Variants in LAMB3 observed in about 807,000 individuals in gnomAD.
LAMB3 encodes laminin subunit beta 3, also known as laminin subunit beta-3.
Under a neutral mutation model 140.3 loss-of-function variants are expected in LAMB3, and 104 were observed. The observed-to-expected ratio is 0.74, with a 90% confidence interval of 0.63 to 0.87. The LOEUF (loss-of-function observed/expected upper bound fraction) is 0.87, where lower values mean the gene tolerates loss of function less well. LAMB3 is among the 40% of genes least tolerant of loss of function. The pLI, the probability that LAMB3 is intolerant of heterozygous loss-of-function variation, is 0.00. For missense variants in LAMB3, 1,531 were observed against 1,575.2 expected (o/e 0.97, Z 0.47); for synonymous variants, 592 against 602.9 (o/e 0.98, Z 0.26).
At chr1:209,635,645 C>T (rs1412145572) in intron 5 of LAMB3, among the ~76,000 whole-genome samples, 2 of 151,926 alleles carry the variant, frequency 1.3e-5, no homozygotes, top group Admixed American at 1.3e-4. Flanking sequence ...TCAAGTGATC[C>T]ACCCGCCTCG....
chr1:209,636,288 G>A (rs992580441), intron 5 of LAMB3, among the ~76,000 whole-genome samples: 1 of 152,164 alleles, frequency 6.6e-6, no homozygotes, highest in Non-Finnish European at 1.5e-5. Flanking sequence ...CTGGTGAACA[G>A]CGTCCCTGAC....
At chr1:209,627,649 C>G in intron 11 of LAMB3, 70 bp from the exon 12 acceptor site, 2 of 1,424,322 alleles carry the variant, frequency 1.4e-6, no homozygotes, top group African/African-American at 2.8e-5. Context: ...GACACACATC[C>G]AGGGAGGGGC....
At chr1:209,646,454 C>T (rs942775518) in intron 3 of LAMB3, among the ~76,000 whole-genome samples, 2 of 152,366 alleles carry the variant, frequency 1.3e-5, no homozygotes, top group East Asian at 3.9e-4. Context: ...CACAAGGCCA[C>T]ATCCCTGTTA....
intron 3 of LAMB3, among the ~76,000 whole-genome samples, chr1:209,643,948 T>C (rs1046352837): frequency 6.6e-6 from 1 of 152,216 alleles, no homozygotes; most frequent in African/African-American, 2.4e-5. Flanking sequence ...TTCCCTGCTC[T>C]AGCACATCAG....
Position 209,615,300 on chromosome 1 carries a change from G to A in LAMB3, c.3490C>T (p.Arg1164Cys), listed in dbSNP as rs540971405. The A allele has an allele frequency of 8.1e-6, 13 of 1,614,120 alleles. No homozygotes were observed. The highest frequency in any genetic ancestry group is 7.7e-5 in the South Asian group (7 of 91,086). Residue 1164 changes from arginine (R) to cysteine (C), a missense_variant, in exon 23 of 23, where the codon CGC (arginine) becomes TGC (cysteine). Transcript: ENST00000356082. ...VEQIRDHINGRVLYYATCK is the reference protein window; with the variant it reads ...VEQIRDHINGCVLYYATCK ...TTGCAGGTGGCATAGTAGAGCACGC[G>A]CCCATTGATGTGGTCACGGATCTGC... is the stretch of plus-strand genomic sequence containing the variant.
chr1:209,646,201 T>C (rs2076516571), intron 3 of LAMB3, among the ~76,000 whole-genome samples: 1 of 152,176 alleles, frequency 6.6e-6, no homozygotes, highest in Admixed American at 6.5e-5. Context: ...TGGAAAGCTT[T>C]CCGGCAAATC....
At chr1:209,632,520 G>A in intron 8 of LAMB3, 63 bp downstream of exon 8, 1 of 1,333,866 alleles carries the variant, frequency 7.5e-7, no homozygotes, top group Non-Finnish European at 1.1e-6. Context: ...GGAGCCCCAA[G>A]AATGTCTGTA....
intron 22 of LAMB3, 46 bp downstream of exon 22, chr1:209,616,425 C>A: frequency 6.2e-7 from 1 of 1,609,480 alleles, no homozygotes; most frequent in Non-Finnish European, 8.5e-7. Context: ...GTGGGACCAG[C>A]CTTCATGAAT....
chr1:209,634,158 A>T (rs1165814256), intron 6 of LAMB3, among the ~76,000 whole-genome samples: 1 of 152,170 alleles, frequency 6.6e-6, no homozygotes, highest in Non-Finnish European at 1.5e-5. Context: ...TCTTCCCACT[A>T]GAGGGATGAG....
At position 209,622,566 on chromosome 1, in the gene LAMB3, G is replaced by A; in HGVS notation, c.2671C>T (p.Leu891=). The A allele has an allele frequency of 6.2e-7, 1 of 1,614,112 alleles. No individual in the cohort carries two copies. Among genetic ancestry groups the A allele is most frequent in the Non-Finnish European group, 8.5e-7 (1 of 1,180,020 alleles). ...AGGAAGTCCCGGACCTGCTGGATTA[G>A]GAGCCGTGTGCGTCTGACATCTTCC... ...MEEDVRRTRL[L]IQQVRDFLTD... The change falls in exon 18 of 23, where the codon CTA becomes TTA. Residue 891 remains leucine, a synonymous_variant. Coordinates refer to ENST00000356082, the MANE Select transcript of LAMB3 (RefSeq NM_000228.3).
intron 14 of LAMB3, among the ~76,000 whole-genome samples, chr1:209,625,215 G>A (rs1321120123): frequency 6.6e-6 from 1 of 152,144 alleles, no homozygotes; most frequent in Non-Finnish European, 1.5e-5. Context: ...TCACTAAGAA[G>A]GCACCTCTGC....
chr1:209,636,826 C>T (rs1033858406), intron 5 of LAMB3, among the ~76,000 whole-genome samples: 3 of 152,198 alleles, frequency 2.0e-5, no homozygotes, highest in Non-Finnish European at 2.9e-5. Flanking sequence ...TGCAAGAGCC[C>T]CATTCTGGGC....
At chr1:209,621,484 C>T (rs1251596727) in intron 18 of LAMB3, among the ~76,000 whole-genome samples, 2 of 152,222 alleles carry the variant, frequency 1.3e-5, no homozygotes, top group Non-Finnish European at 2.9e-5. Context: ...AGAGGAGCCA[C>T]TGTCATTACA....
Position 209,617,974 on chromosome 1 carries a change from T to G in LAMB3, c.2984A>C (p.Gln995Pro). ...GNLRQGTVALQEAQDTMQGTS... is the reference protein window; with the variant it reads ...GNLRQGTVALPEAQDTMQGTS... The stretch of plus-strand genomic sequence containing the variant: ...GCCTTGCATGGTGTCCTGAGCTTCC[T>G]GCAGTGCCACTGTCCCCTGCCGCAG... Residue 995 changes from glutamine (Q) to proline (P), a missense_variant, in exon 20 of 23, where the codon CAG becomes CCG. Physicochemically the swap from Gln to Pro is moderately conservative, Grantham distance 76. Transcript: ENST00000356082. The G allele has an allele frequency of 6.2e-7, 1 of 1,614,228 alleles. No homozygotes were observed. Among genetic ancestry groups the G allele is most frequent in the Non-Finnish European group, 8.5e-7 (1 of 1,180,046 alleles).
At chr1:209,646,034 G>A (rs12410742) in intron 3 of LAMB3, among the ~76,000 whole-genome samples, 1 of 152,346 alleles carries the variant, frequency 6.6e-6, no homozygotes, top group Admixed American at 6.5e-5. Context: ...GTTTGGCTTA[G>A]ATAATTAACC....
rs904952308 is a variant in LAMB3 at position 209,615,104 on chromosome 1, C to T, written c.*167G>A. ...TGTAACTGTCCCATTGGCTCAGGCT[C>T]AGCTGCAGCTCAGGGTAATCTTACT... On this transcript the variant is annotated 3_prime_UTR_variant, in exon 23 of 23. Coordinates refer to ENST00000356082, the MANE Select transcript of LAMB3 (RefSeq NM_000228.3). 1.9e-5 allele frequency: 14 copies of T among 737,544 alleles called. No homozygotes were observed. Among genetic ancestry groups the T allele is most frequent in the Non-Finnish European group, 2.9e-5 (13 of 447,772 alleles). The allele number at this position is 737,544 out of a possible 1,614,324, so 45.7% of individuals were successfully genotyped here.
At position 209,628,054 on chromosome 1, in the gene LAMB3, G is replaced by T; in HGVS notation, c.1269C>A (p.Ala423=). The change falls in exon 11 of 23, where the codon GCC becomes GCA. Residue 423 remains alanine (A), a synonymous_variant. Transcript: ENST00000356082. ...ACTCACGGTGGCAGCCCTGCGGGTT[G>T]GCGTAGGTGAGTCCAGTGAAGCCCG... ...CKPGFTGLTY[A]NPQGCHRCDC... is the part of the protein sequence containing the mutation. 1 of 1,606,508 alleles carries T rather than the reference G, an allele frequency of 6.2e-7. No homozygotes were observed. The highest frequency in any genetic ancestry group is 8.5e-7 in the Non-Finnish European group (1 of 1,176,358).
At chr1:209,645,992 C>A (rs1347375353) in intron 3 of LAMB3, among the ~76,000 whole-genome samples, 1 of 152,210 alleles carries the variant, frequency 6.6e-6, no homozygotes, top group Non-Finnish European at 1.5e-5. Context: ...TACTGTTCCT[C>A]AGCTTGTTTC....
At chr1:209,622,509 C>T (rs747499712) in intron 18 of LAMB3, 27 bp downstream of exon 18, 95 of 1,612,860 alleles carry the variant, frequency 5.9e-5, no homozygotes, top group Non-Finnish European at 7.4e-5. Flanking sequence ...GGAACAGCAG[C>T]CAAGGTGGGG....
Sources: gnomAD v4.1 joint callset for allele counts (sites outside exome capture counted in the v4.1 genomes callset) on GRCh38, gnomAD v4.1.1 for gene constraint, MANE v1.5 for transcripts, NCBI Gene and HGNC (gene_info 2026-07-23, HGNC 2026-07-21) for gene names.